Variants in CTNNA2 observed in about 807,000 individuals in gnomAD.
CTNNA2 encodes the protein catenin alpha 2.
Under a neutral mutation model 101.0 loss-of-function variants are expected in CTNNA2, and 42 were observed. That is an observed-to-expected ratio of 0.42 (90% CI 0.32 to 0.54). The LOEUF is 0.54. Ranked by LOEUF, CTNNA2 falls within the 20% of genes least tolerant of loss-of-function variation. The pLI is 0.14. For synonymous variants in CTNNA2, 450 were observed against 456.4 expected (o/e 0.99, Z 0.18); for missense variants, 871 against 1,223.1 (o/e 0.71, Z 4.29).
intron 2 of CTNNA2, among the ~76,000 whole-genome samples, chr2:79,273,463 T>A (rs1208909903): frequency 6.6e-6 from 1 of 152,080 alleles, no homozygotes; most frequent in Non-Finnish European, 1.5e-5. Flanking sequence ...AACAAAGAGA[T>A]CATTCTATTT....
intron 4 of CTNNA2, chr2:79,498,075 T>G (rs991207681): frequency 6.6e-6 from 1 of 152,178 alleles, no homozygotes; most frequent in Non-Finnish European, 1.5e-5. Context: ...TTCACCACAA[T>G]CAAATGGTTC....
intron 2 of CTNNA2, among the ~76,000 whole-genome samples, chr2:79,726,603 C>T (rs1045357104): frequency 1.3e-5 from 2 of 152,156 alleles, no homozygotes; most frequent in Non-Finnish European, 2.9e-5. Flanking sequence ...CACATTCCCC[C>T]GGTGGAAAAA....
chr2:80,383,741 C>T (rs1228434027), intron 7 of CTNNA2, among the ~76,000 whole-genome samples: 1 of 151,784 alleles, frequency 6.6e-6, no homozygotes, highest in Non-Finnish European at 1.5e-5. Context: ...GAAGGGGAGA[C>T]CAGATTCTGA....
rs374520068 is a variant in CTNNA2 at position 80,333,466 on chromosome 2, T to G, written c.1057-59745T>G. 9.2e-4 allele frequency among the ~76,000 whole-genome samples: 140 copies of G among 152,260 alleles called. 2 individuals are homozygous for G. The South Asian group carries it at 0.027, about 29-fold the overall frequency. ...AAATGATGGAGATAAATAAGAGATA[T>G]GCATGATCAAAATACTTGGTAGAGT... On this transcript the variant is annotated intron_variant, in intron 7 of 18. Transcript: ENST00000402739.
At chr2:79,593,351 A>G (rs1676982694) in intron 1 of CTNNA2, among the ~76,000 whole-genome samples, 1 of 152,178 alleles carries the variant, frequency 6.6e-6, no homozygotes, top group Non-Finnish European at 1.5e-5. Flanking sequence ...GAGGACAATT[A>G]TGGTCACAGT....
chr2:80,422,450 T>C (rs1238877651), intron 9 of CTNNA2, among the ~76,000 whole-genome samples: 4 of 152,104 alleles, frequency 2.6e-5, no homozygotes, highest in Non-Finnish European at 5.9e-5. Context: ...TTTTTTTTTT[T>C]TTCCTTGCAT....
chr2:79,922,334 A>G (rs1686720090), intron 7 of CTNNA2, among the ~76,000 whole-genome samples: 1 of 152,148 alleles, frequency 6.6e-6, no homozygotes, highest in East Asian at 1.9e-4. Flanking sequence ...CTTTTTTATT[A>G]TTTTGTCTGC....
chr2:80,583,738 C>T (rs1352543235), intron 14 of CTNNA2, among the ~76,000 whole-genome samples: 1 of 152,148 alleles, frequency 6.6e-6, no homozygotes, highest in Non-Finnish European at 1.5e-5. Context: ...ACTTCTGTTT[C>T]ATTGGGAACC....
chr2:79,771,104 T>G (rs1319490969), intron 3 of CTNNA2, among the ~76,000 whole-genome samples: 1 of 152,246 alleles, frequency 6.6e-6, no homozygotes, highest in African/African-American at 2.4e-5. Context: ...CAAATCAAAC[T>G]ACCTATTATG....
intron 7 of CTNNA2, among the ~76,000 whole-genome samples, chr2:80,258,701 G>A (rs1159877888): frequency 1.3e-5 from 2 of 152,134 alleles, no homozygotes; most frequent in Non-Finnish European, 2.9e-5. Context: ...CATTTCACAG[G>A]CATCAAAACC....
At chr2:79,962,638 G>A (rs959161807) in intron 7 of CTNNA2, among the ~76,000 whole-genome samples, 1 of 152,206 alleles carries the variant, frequency 6.6e-6, no homozygotes, top group African/African-American at 2.4e-5. Context: ...CTGTGCTGGA[G>A]AGGTTAGGAT....
intron 13 of CTNNA2, among the ~76,000 whole-genome samples, chr2:80,575,973 C>T (rs1279848705): frequency 6.6e-6 from 1 of 152,082 alleles, no homozygotes; most frequent in Non-Finnish European, 1.5e-5. Flanking sequence ...ACCCAAATGG[C>T]TTCATTTTGC....
chr2:79,732,773 G>T (rs6756122), intron 2 of CTNNA2, among the ~76,000 whole-genome samples: 27,544 of 151,830 alleles, frequency 0.18, 2,654 homozygotes, highest in Non-Finnish European at 0.22. Context: ...TATCTAAATG[G>T]GTCTTTCTGA....
chr2:80,594,822 T>TAC (rs890038106), intron 15 of CTNNA2, among the ~76,000 whole-genome samples: 23 of 129,032 alleles, frequency 1.8e-4, no homozygotes, highest in Admixed American at 1.6e-3. Context: ...CATTTGACCT[T>TAC]ATATATATAT....
intron 1 of CTNNA2, among the ~76,000 whole-genome samples, chr2:79,516,053 T>C (rs565785760): frequency 2.6e-5 from 4 of 152,322 alleles, no homozygotes; most frequent in Non-Finnish European, 4.4e-5. Flanking sequence ...TATTTCACAG[T>C]GGCAAGTAAC....
intron 15 of CTNNA2, among the ~76,000 whole-genome samples, chr2:80,597,261 A>G (rs560899732): frequency 6.6e-6 from 1 of 152,346 alleles, no homozygotes; most frequent in African/African-American, 2.4e-5. Context: ...AGCCATATGC[A>G]GAAAACTGAA....
At chr2:80,232,389 G>T (rs867663791) in intron 7 of CTNNA2, among the ~76,000 whole-genome samples, 2,584 of 48,982 alleles carry the variant, frequency 0.053, no homozygotes, top group East Asian at 0.12. Flanking sequence ...TTTTTTTTTT[G>T]TTAACACTAG....
intron 9 of CTNNA2, among the ~76,000 whole-genome samples, chr2:80,426,259 G>A (rs1017864820): frequency 6.6e-6 from 1 of 152,200 alleles, no homozygotes; most frequent in African/African-American, 2.4e-5. Flanking sequence ...CAGCAGCAAA[G>A]CAGTTCGGTC....
intron 9 of CTNNA2, among the ~76,000 whole-genome samples, chr2:80,465,279 T>C (rs1684759829): frequency 6.6e-6 from 1 of 152,176 alleles, no homozygotes; most frequent in South Asian, 2.1e-4. Flanking sequence ...GATCAAGGGG[T>C]ATGGTCTTAA....
Sources: gnomAD v4.1 joint callset for allele counts (sites outside exome capture counted in the v4.1 genomes callset) on GRCh38, gnomAD v4.1.1 for gene constraint, MANE v1.5 for transcripts, NCBI Gene and HGNC (gene_info 2026-07-23, HGNC 2026-07-21) for gene names.